PARD3B: variants seen among roughly 807,000 people sequenced by gnomAD.
PARD3B encodes partitioning defective 3 homolog B.
In PARD3B, 103 loss-of-function variants were observed where a neutral mutation model predicts 130.2. The ratio of observed to expected loss-of-function variants is 0.79; its 90% CI spans 0.67 to 0.93. The LOEUF is 0.93. PARD3B is among the 40% of genes least tolerant of loss of function. PARD3B has a pLI of 0.00. For synonymous variants in PARD3B, 583 were observed against 553.2 expected (o/e 1.05, Z -0.76); for missense variants, 1,609 against 1,499.2 (o/e 1.07, Z -1.21).
intron 3 of PARD3B, among the ~76,000 whole-genome samples, chr2:204,979,339 G>C (rs2125203373): frequency 6.6e-6 from 1 of 152,304 alleles, no homozygotes; most frequent in Non-Finnish European, 1.5e-5. Flanking sequence ...CTGTCTGTCT[G>C]CCTTCTGTGT....
At chr2:204,836,525 T>A (rs2044037924) in intron 2 of PARD3B, among the ~76,000 whole-genome samples, 1 of 151,948 alleles carries the variant, frequency 6.6e-6, no homozygotes, top group Non-Finnish European at 1.5e-5. Flanking sequence ...TAGCTGGGTG[T>A]GGTGGTTCAT....
At chr2:205,047,296 G>T (rs1161805274) in intron 3 of PARD3B, among the ~76,000 whole-genome samples, 1 of 152,004 alleles carries the variant, frequency 6.6e-6, no homozygotes, top group Non-Finnish European at 1.5e-5. Context: ...TTTTTAGATT[G>T]TACACAGTCA....
chr2:205,253,568 C>T lies in PARD3B; in HGVS notation c.2185+7746C>T. 2.1e-6 allele frequency: 1 copy of T among 474,656 alleles called. No individual in the cohort carries two copies. Among genetic ancestry groups the T allele is most frequent in the Non-Finnish European group, 4.3e-6 (1 of 233,760 alleles). 29.4% of individuals were successfully genotyped at this position (474,656 alleles called of 1,614,324 possible). A position where few individuals can be genotyped will look rare whatever the true frequency, so the allele number is the denominator to read the frequency against. On this transcript the variant is annotated intron_variant, in intron 16 of 22. Coordinates refer to ENST00000406610, the MANE Select transcript of PARD3B (RefSeq NM_001302769.2). The surrounding 1 kb of genome is among the most constrained non-coding windows in gnomAD (Gnocchi z 4.4). ...CAGCCTGGAGCCTCCCCTGCCTCCT[C>T]TGCCTCTTCAGAGCCCAGCAGAAAG...
rs2036480815 is a variant in PARD3B, at chr2:204,675,190, T to C, written c.121-10991T>C. ...TCAGCTGTTTTCTTTAAAATTACTT[T>C]GAGTCATTGTTTTTCAATATTATTA... On this transcript the variant is annotated intron_variant, in intron 1 of 22. Coordinates refer to ENST00000406610, the MANE Select transcript of PARD3B (RefSeq NM_001302769.2). The surrounding 1 kb of genome is among the most constrained non-coding windows in gnomAD (Gnocchi z 4.4). Among the ~76,000 whole-genome samples the C allele has an allele frequency of 6.6e-6, 1 of 152,148 alleles. No homozygotes were observed. The highest frequency in any genetic ancestry group is 2.1e-4 in the South Asian group (1 of 4,836).
At chr2:204,662,380 A>G (rs1410553190) in intron 1 of PARD3B, among the ~76,000 whole-genome samples, 1 of 152,210 alleles carries the variant, frequency 6.6e-6, no homozygotes, top group Non-Finnish European at 1.5e-5. Context: ...GTGAGTTTTC[A>G]TTGAAGTAAT....
At chr2:205,194,814 C>T (rs1027382550) in intron 15 of PARD3B, among the ~76,000 whole-genome samples, 13 of 151,882 alleles carry the variant, frequency 8.6e-5, no homozygotes, top group African/African-American at 1.5e-4. Context: ...GATGGAGTCT[C>T]GCTCTGTCAC....
At chr2:205,439,109 T>A (rs1425788142) in intron 19 of PARD3B, among the ~76,000 whole-genome samples, 1 of 152,202 alleles carries the variant, frequency 6.6e-6, no homozygotes, top group East Asian at 1.9e-4. Flanking sequence ...TGATTTGATG[T>A]TTTGCAAAAT....
intron 18 of PARD3B, among the ~76,000 whole-genome samples, chr2:205,395,576 A>G (rs952335765): frequency 1.3e-5 from 2 of 152,142 alleles, no homozygotes; most frequent in Non-Finnish European, 2.9e-5. Context: ...AATTTCCCAA[A>G]GATATATTAC....
chr2:205,282,066 C>G (rs2041211430), intron 16 of PARD3B, among the ~76,000 whole-genome samples: 2 of 151,902 alleles, frequency 1.3e-5, no homozygotes, highest in Admixed American at 1.3e-4. Flanking sequence ...TGGAAAAACT[C>G]TTAATACAGC....
intron 1 of PARD3B, among the ~76,000 whole-genome samples, chr2:204,603,059 A>G (rs1300759736): frequency 2.0e-5 from 3 of 152,132 alleles, no homozygotes; most frequent in African/African-American, 7.2e-5. Flanking sequence ...ATAATATCCT[A>G]TGAAACTCTA....
chr2:205,057,065 G>C (rs566609800), intron 4 of PARD3B, among the ~76,000 whole-genome samples: 113 of 151,556 alleles, frequency 7.5e-4, no homozygotes, highest in Non-Finnish European at 1.5e-3. Flanking sequence ...TATTTGCATA[G>C]TCTCATAAAA....
chr2:205,165,057 G>T (rs2034727304), intron 11 of PARD3B, among the ~76,000 whole-genome samples: 1 of 152,040 alleles, frequency 6.6e-6, no homozygotes, highest in African/African-American at 2.4e-5. Flanking sequence ...AATAAGATAA[G>T]TATGTTGAAA....
chr2:204,612,353 C>T (rs972206509), intron 1 of PARD3B, among the ~76,000 whole-genome samples: 1 of 152,192 alleles, frequency 6.6e-6, no homozygotes, highest in Non-Finnish European at 1.5e-5. Flanking sequence ...GGAGTATAGA[C>T]CTGTAGGTGG....
intron 21 of PARD3B, among the ~76,000 whole-genome samples, chr2:205,549,908 G>T (rs566058118): frequency 2.0e-5 from 3 of 152,190 alleles, no homozygotes; most frequent in South Asian, 4.2e-4. Flanking sequence ...TCTGTATGCC[G>T]CCTAAATTTT....
intron 18 of PARD3B, among the ~76,000 whole-genome samples, chr2:205,355,654 C>T (rs1392853437): frequency 6.6e-6 from 1 of 151,994 alleles, no homozygotes; most frequent in Non-Finnish European, 1.5e-5. Context: ...TGGTTTTCTT[C>T]CAAATAATTT....
At chr2:205,349,679 G>A (rs1428183954) in intron 18 of PARD3B, among the ~76,000 whole-genome samples, 1 of 151,768 alleles carries the variant, frequency 6.6e-6, no homozygotes, top group Non-Finnish European at 1.5e-5. Flanking sequence ...AATGAAAGCT[G>A]AGGTTTAATT....
intron 1 of PARD3B, among the ~76,000 whole-genome samples, chr2:204,597,282 A>G (rs974733336): frequency 6.6e-6 from 1 of 152,022 alleles, no homozygotes; most frequent in Non-Finnish European, 1.5e-5. Context: ...AGCGATCTTA[A>G]TGATGCCCAT....
chr2:204,561,594 A>AT (rs549784375), intron 1 of PARD3B, among the ~76,000 whole-genome samples: 367 of 124,944 alleles, frequency 2.9e-3, no homozygotes, highest in South Asian at 6.0e-3. Context: ...TCTCCCTTGT[A>AT]TTTTTTTTTT....
intron 20 of PARD3B, among the ~76,000 whole-genome samples, chr2:205,492,652 G>GA (rs1409720188): frequency 1.3e-5 from 2 of 151,926 alleles, no homozygotes; most frequent in Non-Finnish European, 2.9e-5. Context: ...ATGCACCTTT[G>GA]AAAAAAATAG....
Sources: allele counts gnomAD v4.1 joint callset (sites outside exome capture counted in the v4.1 genomes callset), GRCh38; gene constraint gnomAD v4.1.1; non-coding constraint Gnocchi (gnomAD v3.1); transcripts MANE v1.5; gene names NCBI Gene and HGNC (gene_info 2026-07-23, HGNC 2026-07-21).